The following RAB8B variants were observed in gnomAD, a reference collection of about 807,000 sequenced individuals.
RAB8B encodes the protein RAB8B, member RAS oncogene family.
RAB8B carries 11 observed loss-of-function variants against 32.0 expected under a neutral mutation model. The ratio of observed to expected loss-of-function variants is 0.34; its 90% confidence interval spans 0.22 to 0.57. The LOEUF is 0.57. Among genes scored for constraint, RAB8B ranks in the 20% least tolerant of loss-of-function variants. The pLI, the probability that RAB8B is intolerant of heterozygous loss-of-function variation, is 0.86. For missense variants in RAB8B, 190 were observed against 258.5 expected, an observed-to-expected ratio of 0.73 and a Z score of 1.82; for synonymous variants, 103 against 89.6, an observed-to-expected ratio of 1.15 and a Z score of -0.85.
intron 1 of RAB8B, among the ~76,000 whole-genome samples, chr15:63,206,544 C>T (rs575883125): frequency 6.6e-6 from 1 of 152,230 alleles, no homozygotes; most frequent in Non-Finnish European, 1.5e-5. Context: ...CTCCAAGGAG[C>T]CAGTGCTAAC....
intron 4 of RAB8B, among the ~76,000 whole-genome samples, chr15:63,256,298 GGAA>G (rs2038158357): frequency 6.6e-6 from 1 of 152,220 alleles, no homozygotes; most frequent in Admixed American, 6.5e-5. Flanking sequence ...CCAAACCTCG[GGAA>G]GAAGGTTTGC....
At chr15:63,196,328 AT>A (rs1012270144) in intron 1 of RAB8B, among the ~76,000 whole-genome samples, 1 of 152,366 alleles carries the variant, frequency 6.6e-6, no homozygotes, top group African/African-American at 2.4e-5. Context: ...TGGTATTGAC[AT>A]GAAAAAGCCT....
chr15:63,207,700 C>T (rs2037710260), intron 1 of RAB8B, among the ~76,000 whole-genome samples: 1 of 152,026 alleles, frequency 6.6e-6, no homozygotes, highest in Admixed American at 6.5e-5. Flanking sequence ...GCTGGGACTA[C>T]AGGTGCGTGC....
chr15:63,219,126 C>T (rs891242183), intron 1 of RAB8B, among the ~76,000 whole-genome samples: 1 of 146,898 alleles, frequency 6.8e-6, no homozygotes, highest in Admixed American at 7.0e-5. Context: ...CGGTGAAACC[C>T]CGTCTCCACT....
At chr15:63,246,793 T>C (rs954959786) in intron 2 of RAB8B, among the ~76,000 whole-genome samples, 1 of 152,194 alleles carries the variant, frequency 6.6e-6, no homozygotes, top group African/African-American at 2.4e-5. Context: ...AGCCCGCTTA[T>C]CACTTGGTTG....
At chr15:63,226,477 A>T (rs1261245298) in intron 1 of RAB8B, among the ~76,000 whole-genome samples, 1 of 152,236 alleles carries the variant, frequency 6.6e-6, no homozygotes, top group Non-Finnish European at 1.5e-5. Context: ...TATATTACCT[A>T]TGCAAAATAG....
At chr15:63,219,444 C>T (rs891301845) in intron 1 of RAB8B, among the ~76,000 whole-genome samples, 1 of 144,542 alleles carries the variant, frequency 6.9e-6, no homozygotes, top group South Asian at 2.2e-4. Context: ...TGTGTCCAGA[C>T]CAACTTTTTT....
chr15:63,239,420 T>A (rs1197629417), intron 1 of RAB8B, among the ~76,000 whole-genome samples: 1 of 150,004 alleles, frequency 6.7e-6, no homozygotes, highest in East Asian at 1.9e-4. Context: ...GTTTTTTTTT[T>A]TTTTTTTTTT....
At chr15:63,197,799 A>G (rs1225971907) in intron 1 of RAB8B, among the ~76,000 whole-genome samples, 2 of 152,054 alleles carry the variant, frequency 1.3e-5, no homozygotes, top group Admixed American at 1.3e-4. Flanking sequence ...TGTTCTGTTG[A>G]GTTCTGAGGT....
chr15:63,256,518 A>ATGTC lies in RAB8B; in HGVS notation c.339_342dup (p.Glu115CysfsTer8). ...TTCTCCCTGCAGCATGCCTCTTCCG[A>ATGTC]TGTCGAAAGAATGATCCTGGGTAAC... On this transcript the variant is annotated frameshift_variant, in exon 5 of 8. Transcript: ENST00000321437. LOFTEE classifies it high-confidence loss of function. The ATGTC allele has an allele frequency of 6.2e-7, 1 of 1,601,000 alleles. No homozygotes were observed. The highest frequency in any genetic ancestry group is 8.5e-7 in the Non-Finnish European group (1 of 1,176,200).
chr15:63,203,753 T>C (rs1223385752), intron 1 of RAB8B, among the ~76,000 whole-genome samples: 3 of 152,268 alleles, frequency 2.0e-5, no homozygotes, highest in African/African-American at 7.2e-5. Context: ...AGGCACAGAA[T>C]GTTTGAATAA....
rs1793642203 is a variant in RAB8B at position 63,259,452 on chromosome 15, T to C, written c.415-175T>C. 6.6e-6 allele frequency among the ~76,000 whole-genome samples: 1 copy of C among 152,176 alleles called. No homozygotes were observed. The highest frequency in any genetic ancestry group is 2.4e-5 in the African/African-American group (1 of 41,448). ...AGTTGTGCCATCCTTCTTACGATGATTAAGTTAAATTATTAAATTCTGAAT... is the reference window on the plus strand; with the variant it reads ...AGTTGTGCCATCCTTCTTACGATGACTAAGTTAAATTATTAAATTCTGAAT... On this transcript the variant is annotated intron_variant, in intron 5 of 7. Transcript: ENST00000321437. The surrounding 1 kb of genome is among the most constrained non-coding windows in gnomAD (Gnocchi z 4.4).
intron 1 of RAB8B, among the ~76,000 whole-genome samples, chr15:63,222,780 A>G (rs910774887): frequency 2.0e-5 from 3 of 152,110 alleles, no homozygotes; most frequent in South Asian, 4.1e-4. Context: ...ACCTCAAGTG[A>G]TCCTCCCGCT....
chr15:63,217,579 C>T (rs1415056673), intron 1 of RAB8B, among the ~76,000 whole-genome samples: 1 of 152,124 alleles, frequency 6.6e-6, no homozygotes, highest in African/African-American at 2.4e-5. Flanking sequence ...ATTTTGAATA[C>T]CTCTGAGTGT....
chr15:63,232,246 C>T (rs868478138), intron 1 of RAB8B, among the ~76,000 whole-genome samples: 52 of 152,086 alleles, frequency 3.4e-4, no homozygotes, highest in African/African-American at 1.2e-3. Flanking sequence ...TTATTTTGCT[C>T]ATTTATTTCC....
chr15:63,231,802 A>G (rs1044958099), intron 1 of RAB8B, among the ~76,000 whole-genome samples: 2 of 152,172 alleles, frequency 1.3e-5, no homozygotes, highest in Non-Finnish European at 2.9e-5. Flanking sequence ...TCTTTAAGAA[A>G]GGTTAGTTCA....
At chr15:63,207,747 GTAGAGACGGGGT>G (rs1191818078) in intron 1 of RAB8B, among the ~76,000 whole-genome samples, 4 of 151,968 alleles carry the variant, frequency 2.6e-5, no homozygotes, top group Non-Finnish European at 5.9e-5. Context: ...TGGTATTTTA[GTAGAGACGGGGT>G]TTCACCATGT....
At chr15:63,189,979 A>G (rs867800222) in intron 1 of RAB8B, among the ~76,000 whole-genome samples, 4 of 150,566 alleles carry the variant, frequency 2.7e-5, no homozygotes, top group Admixed American at 1.3e-4. Context: ...GGGGCAAAGG[A>G]ACGGGAAGGG....
chr15:63,222,583 G>T (rs765816120), intron 1 of RAB8B, among the ~76,000 whole-genome samples: 5 of 152,164 alleles, frequency 3.3e-5, no homozygotes, highest in Non-Finnish European at 7.3e-5. Context: ...TGTTGCTCAG[G>T]CTGGAGTGCA....
Sources: gnomAD v4.1 joint callset for allele counts (sites outside exome capture counted in the v4.1 genomes callset) on GRCh38, gnomAD v4.1.1 for gene constraint, Gnocchi (gnomAD v3.1) non-coding constraint, MANE v1.5 for transcripts, NCBI Gene and HGNC (gene_info 2026-07-23, HGNC 2026-07-21) for gene names.